HEMK2: variants seen among roughly 807,000 people sequenced by gnomAD.
HEMK2 encodes the protein HemK methyltransferase 2, ETF1 glutamine and histone H4 lysine.
the HEMK2 span, among the ~76,000 whole-genome samples, chr21:28,675,482 G>T: frequency 6.6e-6 from 1 of 152,156 alleles, no homozygotes; most frequent in African/African-American, 2.4e-5. Flanking sequence ...CAGTAGGGCA[G>T]GATATCCATC....
At chr21:28,642,657 C>T in the HEMK2 span, among the ~76,000 whole-genome samples, 5 of 152,150 alleles carry the variant, frequency 3.3e-5, no homozygotes, top group East Asian at 1.9e-4. Context: ...CTTTACTGAG[C>T]GGAGGGTGGC....
the HEMK2 span, among the ~76,000 whole-genome samples, chr21:28,810,193 A>T: frequency 2.1e-3 from 313 of 152,250 alleles, 1 homozygote; most frequent in African/African-American, 7.3e-3. Context: ...GGTCCCCCCA[A>T]TAGGACACAA....
the HEMK2 span, among the ~76,000 whole-genome samples, chr21:28,680,485 G>A: frequency 4.8e-4 from 73 of 152,256 alleles, no homozygotes; most frequent in African/African-American, 1.7e-3. Context: ...AGGAGGAGCT[G>A]GTACCATTCC....
At chr21:28,663,137 C>CCATG in the HEMK2 span, among the ~76,000 whole-genome samples, 1 of 152,240 alleles carries the variant, frequency 6.6e-6, no homozygotes, top group African/African-American at 2.4e-5. Context: ...TATAACTCTA[C>CCATG]CATGCTGTTT....
At chr21:28,777,340 A>G in the HEMK2 span, among the ~76,000 whole-genome samples, 3 of 152,204 alleles carry the variant, frequency 2.0e-5, no homozygotes, top group African/African-American at 7.2e-5. Context: ...AATACCCAGC[A>G]AAGAGAAGGT....
the HEMK2 span, among the ~76,000 whole-genome samples, chr21:28,813,490 T>C: frequency 1.3e-5 from 2 of 152,240 alleles, no homozygotes; most frequent in East Asian, 3.9e-4. Flanking sequence ...ATCGTGAAAA[T>C]GGCCATACTG....
chr21:28,737,504 A>G, the HEMK2 span, among the ~76,000 whole-genome samples: 1 of 152,090 alleles, frequency 6.6e-6, no homozygotes, highest in Non-Finnish European at 1.5e-5. Context: ...AGAATTCAAA[A>G]ATCTGCCTTT....
the HEMK2 span, among the ~76,000 whole-genome samples, chr21:28,692,712 T>C: frequency 1.1e-4 from 17 of 152,284 alleles, no homozygotes; most frequent in African/African-American, 3.8e-4. Flanking sequence ...ATATGAATGC[T>C]TCTAGCAGCA....
chr21:28,754,727 T>C, the HEMK2 span, among the ~76,000 whole-genome samples: 1 of 152,244 alleles, frequency 6.6e-6, no homozygotes, highest in African/African-American at 2.4e-5. Context: ...TAATATAATT[T>C]ATTTAACAAA....
the HEMK2 span, among the ~76,000 whole-genome samples, chr21:28,814,784 G>A: frequency 8.1e-6 from 1 of 123,854 alleles, no homozygotes; most frequent in East Asian, 2.9e-4. Flanking sequence ...CTGTTGGTGG[G>A]ACTGTAAACT....
the HEMK2 span, among the ~76,000 whole-genome samples, chr21:28,696,103 A>G: frequency 6.7e-6 from 1 of 149,796 alleles, no homozygotes; most frequent in Non-Finnish European, 1.5e-5. Flanking sequence ...GCCAAGTGAA[A>G]GGGGTTTCCC....
At chr21:28,814,822 C>T in the HEMK2 span, among the ~76,000 whole-genome samples, 194 of 152,128 alleles carry the variant, frequency 1.3e-3, 1 homozygote, top group Middle Eastern at 6.8e-3. Flanking sequence ...GTCGGTGTGG[C>T]GATTCCTCAG....
the HEMK2 span, among the ~76,000 whole-genome samples, chr21:28,690,726 GTA>G: frequency 6.6e-6 from 1 of 151,906 alleles, no homozygotes; most frequent in Admixed American, 6.6e-5. Flanking sequence ...TTCTTGCATT[GTA>G]TAGTCTTATC....
chr21:28,698,421 T>A, the HEMK2 span, among the ~76,000 whole-genome samples: 1 of 152,226 alleles, frequency 6.6e-6, no homozygotes, highest in African/African-American at 2.4e-5. Context: ...AAATAATATG[T>A]TAGTGCTTAC....
the HEMK2 span, among the ~76,000 whole-genome samples, chr21:28,865,701 T>C: frequency 6.6e-6 from 1 of 152,140 alleles, no homozygotes. Flanking sequence ...TCTAGGCCTT[T>C]CCATGCACTC....
At chr21:28,635,788 T>C in the HEMK2 span, among the ~76,000 whole-genome samples, 1 of 152,064 alleles carries the variant, frequency 6.6e-6, no homozygotes, top group Non-Finnish European at 1.5e-5. Context: ...TTCAGTGCTG[T>C]CTAATAGAAC....
At chr21:28,774,581 C>A in the HEMK2 span, among the ~76,000 whole-genome samples, 3 of 150,084 alleles carry the variant, frequency 2.0e-5, no homozygotes, top group African/African-American at 7.5e-5. Flanking sequence ...AAGCAAAACC[C>A]TGCTTCTAAA....
the HEMK2 span, among the ~76,000 whole-genome samples, chr21:28,738,376 A>G: frequency 0.049 from 7,413 of 152,194 alleles, 249 homozygotes; most frequent in Non-Finnish European, 0.077. Context: ...GGTGTTGGCA[A>G]CCTTTTGAGT....
chr21:28,680,033 C>T, the HEMK2 span, among the ~76,000 whole-genome samples: 1 of 151,898 alleles, frequency 6.6e-6, no homozygotes, highest in South Asian at 2.1e-4. Context: ...TAGCAGAAGG[C>T]AAGAAATAAC....
Sources: gnomAD v4.1 joint callset for allele counts (sites outside exome capture counted in the v4.1 genomes callset) on GRCh38, gnomAD v4.1.1 for gene constraint, MANE v1.5 for transcripts, NCBI Gene and HGNC (gene_info 2026-07-23, HGNC 2026-07-21) for gene names.